The following CNTNAP2 variants were observed in gnomAD, a reference collection of about 807,000 sequenced individuals.
CNTNAP2 encodes contactin-associated protein-like 2.
CNTNAP2 carries 98 observed loss-of-function variants against 155.2 expected under a neutral mutation model. The observed-to-expected ratio is 0.63, with a 90% CI of 0.54 to 0.75. CNTNAP2 has a LOEUF of 0.75. Ranked by LOEUF, CNTNAP2 falls within the 30% of genes least tolerant of loss-of-function variation. CNTNAP2 has a pLI of 0.00. For synonymous variants in CNTNAP2, 651 were observed against 631.2 expected (o/e 1.03, Z -0.47); for missense variants, 1,727 against 1,688.1 (o/e 1.02, Z -0.40).
chr7:147,076,134 TG>T (rs1470369632), intron 4 of CNTNAP2, among the ~76,000 whole-genome samples: 2 of 152,218 alleles, frequency 1.3e-5, no homozygotes, highest in African/African-American at 4.8e-5. Flanking sequence ...TATAATCCTT[TG>T]GGTATATACC....
chr7:147,316,057 T>C (rs962203570), intron 9 of CNTNAP2, among the ~76,000 whole-genome samples: 4 of 152,148 alleles, frequency 2.6e-5, no homozygotes, highest in African/African-American at 9.7e-5. Flanking sequence ...ATAATGCTGA[T>C]ATGAACATTA....
chr7:147,723,975 T>C (rs182737362), intron 13 of CNTNAP2, among the ~76,000 whole-genome samples: 37 of 152,094 alleles, frequency 2.4e-4, no homozygotes, highest in Non-Finnish European at 4.9e-4. Context: ...CTCTCTGTGA[T>C]CTGCACAGTG....
chr7:146,136,346 G>C (rs1797797202), intron 1 of CNTNAP2, among the ~76,000 whole-genome samples: 1 of 152,098 alleles, frequency 6.6e-6, no homozygotes, highest in Non-Finnish European at 1.5e-5. Flanking sequence ...GTTTAGAAAA[G>C]ACAACTAAGG....
intron 20 of CNTNAP2, among the ~76,000 whole-genome samples, chr7:148,266,447 G>A (rs1255281401): frequency 5.9e-5 from 9 of 152,284 alleles, no homozygotes; most frequent in Admixed American, 2.0e-4. Flanking sequence ...CGTCGCTTCC[G>A]TGGTTACTGT....
At chr7:146,166,563 A>G (rs1438336963) in intron 1 of CNTNAP2, among the ~76,000 whole-genome samples, 1 of 152,210 alleles carries the variant, frequency 6.6e-6, no homozygotes, top group Non-Finnish European at 1.5e-5. Flanking sequence ...TGCAAATGAA[A>G]TACACTTAAA....
intron 13 of CNTNAP2, among the ~76,000 whole-genome samples, chr7:147,804,351 A>C (rs1358570638): frequency 6.6e-6 from 1 of 152,156 alleles, no homozygotes; most frequent in Non-Finnish European, 1.5e-5. Flanking sequence ...AGACATGTAG[A>C]ATCACACTGG....
chr7:147,008,134 T>C (rs1798558681), intron 3 of CNTNAP2, among the ~76,000 whole-genome samples: 1 of 152,126 alleles, frequency 6.6e-6, no homozygotes, highest in South Asian at 2.1e-4. Context: ...CATTATTTTT[T>C]TAGGATCCAT....
chr7:148,324,750 G>A (rs66978295), intron 21 of CNTNAP2, among the ~76,000 whole-genome samples: 48,164 of 142,020 alleles, frequency 0.34, 8,580 homozygotes, highest in East Asian at 0.51. Context: ...AGCCAAGATC[G>A]TGCCACTGCA....
At chr7:147,822,099 C>A (rs1315637142) in intron 13 of CNTNAP2, among the ~76,000 whole-genome samples, 1 of 152,074 alleles carries the variant, frequency 6.6e-6, no homozygotes, top group African/African-American at 2.4e-5. Flanking sequence ...TGGAAGTCTT[C>A]TATGGTCTGA....
intron 1 of CNTNAP2, among the ~76,000 whole-genome samples, chr7:146,590,317 T>C (rs1192185111): frequency 6.6e-6 from 1 of 152,164 alleles, no homozygotes. Flanking sequence ...ATATGATACA[T>C]ATTATTATTC....
chr7:147,023,733 T>A (rs1270279544), intron 3 of CNTNAP2, among the ~76,000 whole-genome samples: 1 of 152,216 alleles, frequency 6.6e-6, no homozygotes, highest in Non-Finnish European at 1.5e-5. Flanking sequence ...CTGCCCTCCT[T>A]GGGCATCAAG....
At chr7:146,662,369 T>G (rs965850958) in intron 1 of CNTNAP2, among the ~76,000 whole-genome samples, 3 of 152,118 alleles carry the variant, frequency 2.0e-5, no homozygotes, top group African/African-American at 7.2e-5. Flanking sequence ...ACTCCGGACC[T>G]CAGTTGATCC....
intron 1 of CNTNAP2, among the ~76,000 whole-genome samples, chr7:146,750,275 T>C (rs909443779): frequency 3.6e-4 from 55 of 152,288 alleles, no homozygotes; most frequent in African/African-American, 1.3e-3. Context: ...CTCTTCTCTT[T>C]CCACCCCTAC....
In CNTNAP2 at chr7:146,691,983, A is replaced by G. The variant is rs79659677; in HGVS notation, c.98-82288A>G. 9.5e-3 allele frequency among the ~76,000 whole-genome samples: 1,450 copies of G among 152,268 alleles called. 23 individuals carry two copies. Among genetic ancestry groups the G allele is most frequent in the African/African-American group, 0.032 (1,345 of 41,566 alleles). On this transcript the variant is annotated intron_variant, in intron 1 of 23. Transcript: ENST00000361727. ...TAAAACCCATTACGAATGTTCTGAG[A>G]CATCCAATGATGCACAAGGGTCCTT...
At chr7:148,103,161 C>T (rs1804138831) in intron 15 of CNTNAP2, among the ~76,000 whole-genome samples, 1 of 150,394 alleles carries the variant, frequency 6.6e-6, no homozygotes, top group African/African-American at 2.4e-5. Flanking sequence ...TGAGTTGTGT[C>T]TGTCCTTTGT....
chr7:147,369,813 C>T (rs1525226), intron 9 of CNTNAP2, among the ~76,000 whole-genome samples: 35,022 of 152,020 alleles, frequency 0.23, 4,355 homozygotes, highest in Non-Finnish European at 0.28. Context: ...AATTGGTCTT[C>T]CAGGCTTTAA....
chr7:147,854,788 C>G (rs546548636), intron 13 of CNTNAP2, among the ~76,000 whole-genome samples: 1 of 152,256 alleles, frequency 6.6e-6, no homozygotes, highest in Non-Finnish European at 1.5e-5. Context: ...GAAACAATTT[C>G]AGGTATGTGC....
intron 1 of CNTNAP2, among the ~76,000 whole-genome samples, chr7:146,533,026 C>T (rs4370448): frequency 0.28 from 41,560 of 147,730 alleles, 6,240 homozygotes; most frequent in East Asian, 0.47. Flanking sequence ...TGCTTGAACC[C>T]GGGAGGCAGA....
chr7:146,834,981 C>T (rs1354814312), intron 2 of CNTNAP2, among the ~76,000 whole-genome samples: 1 of 152,170 alleles, frequency 6.6e-6, no homozygotes, highest in African/African-American at 2.4e-5. Flanking sequence ...GATCTTTCCA[C>T]CATGTTCCTC....
Sources: gnomAD v4.1 joint callset for allele counts (sites outside exome capture counted in the v4.1 genomes callset) on GRCh38, gnomAD v4.1.1 for gene constraint, MANE v1.5 for transcripts, NCBI Gene and HGNC (gene_info 2026-07-23, HGNC 2026-07-21) for gene names.